CALML4: variants seen among roughly 807,000 people sequenced by gnomAD.
CALML4 encodes the protein calmodulin like 4, also known as calmodulin-like protein 4.
CALML4 carries 16 observed loss-of-function variants against 17.9 expected under a neutral mutation model. The ratio of observed to expected loss-of-function variants is 0.89; its 90% CI spans 0.61 to 1.36. The LOEUF (loss-of-function observed/expected upper bound fraction) is 1.36. Among genes scored for constraint, CALML4 ranks in the 40% most tolerant of loss-of-function variants. The probability of loss-of-function intolerance (pLI) is 0.00; values close to 1 mark genes in which losing one functional copy is unlikely to be tolerated. For missense variants in CALML4, 203 were observed against 194.8 expected (o/e 1.04, Z -0.25); for synonymous variants, 86 against 71.5 (o/e 1.20, Z -1.02).
At chr15:68,203,708 G>A (rs1171960454) in intron 2 of CALML4, among the ~76,000 whole-genome samples, 1 of 152,164 alleles carries the variant, frequency 6.6e-6, no homozygotes, top group Non-Finnish European at 1.5e-5. Flanking sequence ...GCAGCAGCCT[G>A]GTAAGGTGGC....
At chr15:68,199,506 C>A (rs540175064) in intron 3 of CALML4, 35 bp downstream of exon 3, 8 of 1,590,274 alleles carry the variant, frequency 5.0e-6, no homozygotes, top group East Asian at 2.3e-5. Flanking sequence ...CTGCTGGGCC[C>A]CTCCCCTCTC....
At chr15:68,196,811 C>T (rs2141124305) in intron 4 of CALML4, among the ~76,000 whole-genome samples, 1 of 152,328 alleles carries the variant, frequency 6.6e-6, no homozygotes, top group South Asian at 2.1e-4. Context: ...GCAAAGACCC[C>T]TTTCTCGTGG....
rs1236346620 is a variant in CALML4, at chr15:68,191,172, CTGT to C, written c.*2840_*2842del. ...TAGCTGGTGGTCCCAGAGTGTGCTGCTGTTAATTGTTTAACAAAGGGGAAAATG... is the reference window on the plus strand; with the variant it reads ...TAGCTGGTGGTCCCAGAGTGTGCTGCTAATTGTTTAACAAAGGGGAAAATG... On this transcript the variant is annotated 3_prime_UTR_variant, in exon 5 of 5. Coordinates refer to ENST00000467889, the MANE Select transcript of CALML4 (RefSeq NM_033429.3). 3 of 152,706 alleles carry C rather than the reference CTGT, an allele frequency of 2.0e-5. No homozygotes were observed. Among genetic ancestry groups the C allele is most frequent in the East Asian group, 3.9e-4 (2 of 5,192 alleles). 9.5% of individuals were successfully genotyped at this position (152,706 alleles called of 1,614,324 possible). A position where few individuals can be genotyped will look rare whatever the true frequency, so the allele number is the denominator to read the frequency against.
Position 68,200,460 on chromosome 15 carries a change from C to G in CALML4, c.35-779G>C, listed in dbSNP as rs139467903. On this transcript the variant is annotated intron_variant, in intron 2 of 4. Coordinates refer to ENST00000467889, the MANE Select transcript of CALML4 (RefSeq NM_033429.3). The surrounding 1 kb of genome is among the most constrained non-coding windows in gnomAD (Gnocchi z 4.3). Reference sequence around the variant, plus strand: ...GGTGGAAGGCAGCCGGAGCTAGCTCCCCTAAACCCACAGACTCCCGGCCTG... The same window carrying G: ...GGTGGAAGGCAGCCGGAGCTAGCTCGCCTAAACCCACAGACTCCCGGCCTG... 7.2e-5 allele frequency among the ~76,000 whole-genome samples: 11 copies of G among 152,328 alleles called. No homozygotes were observed. The East Asian group carries it at 2.1e-3, about 29-fold the overall frequency.
At chr15:68,194,254 G>A in intron 4 of CALML4, 142 bp from the exon 5 acceptor site, 1 of 627,996 alleles carries the variant, frequency 1.6e-6, no homozygotes. Flanking sequence ...GTAAACCAGT[G>A]AACAGAAAGG....
intron 2 of CALML4, among the ~76,000 whole-genome samples, chr15:68,203,333 A>G (rs2141130587): frequency 6.6e-6 from 1 of 152,350 alleles, no homozygotes; most frequent in South Asian, 2.1e-4. Flanking sequence ...CGCGCCAATG[A>G]GTGCGATTCT....
intron 4 of CALML4, among the ~76,000 whole-genome samples, chr15:68,194,574 G>T (rs2093134954): frequency 6.6e-6 from 1 of 151,928 alleles, no homozygotes; most frequent in South Asian, 2.1e-4. Context: ...AGTAGAGACG[G>T]GGTTTCACCA....
At chr15:68,203,284 T>TA (rs1595813420) in intron 2 of CALML4, among the ~76,000 whole-genome samples, 1 of 152,236 alleles carries the variant, frequency 6.6e-6, no homozygotes, top group African/African-American at 2.4e-5. Context: ...ATTGCCAACC[T>TA]ATAGTTTCGA....
chr15:68,204,312 A>C lies in CALML4; in HGVS notation c.34+809T>G, dbSNP rs1385496130. Among the ~76,000 whole-genome samples the C allele has an allele frequency of 3.3e-5, 5 of 152,154 alleles. No homozygotes were observed. The highest frequency in any genetic ancestry group is 5.9e-5 in the Non-Finnish European group (4 of 68,022). On this transcript the variant is annotated intron_variant, in intron 2 of 4. Coordinates refer to ENST00000467889, the MANE Select transcript of CALML4 (RefSeq NM_033429.3). The surrounding 1 kb of genome is among the most constrained non-coding windows in gnomAD (Gnocchi z 6.0). ...ATCTCCAGTGGTCAGCGAAGGACTC[A>C]CTGAGAAGGCGATGTTTCAGCAAAG...
rs367834252 is a variant in CALML4, at chr15:68,200,556, C to T, written c.35-875G>A. Among the ~76,000 whole-genome samples the T allele has an allele frequency of 2.0e-4, 31 of 152,356 alleles. No individual in the cohort carries two copies. The highest frequency in any genetic ancestry group is 1.5e-3 in the East Asian group (8 of 5,180). On this transcript the variant is annotated intron_variant, in intron 2 of 4. Coordinates refer to ENST00000467889, the MANE Select transcript of CALML4 (RefSeq NM_033429.3). The surrounding 1 kb of genome is among the most constrained non-coding windows in gnomAD (Gnocchi z 4.3). ...CCAGCTGGGAGTTCAGGAAAAGTCC[C>T]TGAACCGCACTGACTGAGCATCTGA...
rs1391021139 is a variant in CALML4, at chr15:68,192,316, A to C, written c.*1699T>G. 3.3e-5 allele frequency: 5 copies of C among 152,150 alleles called. No individual in the cohort carries two copies. The highest frequency in any genetic ancestry group is 6.5e-5 in the Admixed American group (1 of 15,272). The allele number at this position is 152,150 out of a possible 1,614,324, so 9.4% of individuals were successfully genotyped here. ...TTTACCATGAAGGTAATGAAGTTTAAGCACCAGGACCCTTCACTTGTTCTG... is the reference window on the plus strand; with the variant it reads ...TTTACCATGAAGGTAATGAAGTTTACGCACCAGGACCCTTCACTTGTTCTG... On this transcript the variant is annotated 3_prime_UTR_variant, in exon 5 of 5. Transcript: ENST00000467889.
intron 2 of CALML4, chr15:68,199,964 A>C (rs895335793): frequency 2.9e-5 from 7 of 241,204 alleles, no homozygotes; most frequent in Non-Finnish European, 5.5e-5. Context: ...CTGAAATTCT[A>C]ATTTAACTGG....
intron 3 of CALML4, 62 bp downstream of exon 3, chr15:68,199,479 C>A: frequency 6.5e-7 from 1 of 1,545,522 alleles, no homozygotes; most frequent in South Asian, 1.2e-5. Flanking sequence ...TTTCACACCT[C>A]TACTGTCTGC....
chr15:68,194,797 G>A (rs755113299), intron 4 of CALML4, among the ~76,000 whole-genome samples: 15 of 151,986 alleles, frequency 9.9e-5, no homozygotes, highest in Admixed American at 5.2e-4. Flanking sequence ...CAAACAGAGC[G>A]AACATCCTCC....
Position 68,197,322 on chromosome 15 carries a change from G to T in CALML4, c.364+118C>A. 1 of 902,330 alleles carries T rather than the reference G, an allele frequency of 1.1e-6. No homozygotes were observed. Among genetic ancestry groups the T allele is most frequent in the Non-Finnish European group, 1.7e-6 (1 of 586,562 alleles). The allele number at this position is 902,330 out of a possible 1,614,324, so 55.9% of individuals were successfully genotyped here. On this transcript the variant is annotated intron_variant, in intron 4 of 4. Coordinates refer to ENST00000467889, the MANE Select transcript of CALML4 (RefSeq NM_033429.3). This position sits in a 1 kb window ranked among gnomAD's most constrained non-coding sequence, Gnocchi z 4.1. ...GTGTGGCATCTGCTCACAGTCTCCT[G>T]CGCGCGCATCAACAGAGGTGGTCTG...
intron 3 of CALML4, among the ~76,000 whole-genome samples, chr15:68,199,272 C>T (rs925670866): frequency 3.3e-5 from 5 of 152,034 alleles, no homozygotes; most frequent in East Asian, 1.9e-4. Context: ...AACATGGGAT[C>T]GCTGTCAGCG....
intron 4 of CALML4, among the ~76,000 whole-genome samples, chr15:68,196,343 G>T (rs760046766): frequency 7.2e-5 from 11 of 152,204 alleles, no homozygotes; most frequent in Non-Finnish European, 1.0e-4. Flanking sequence ...GACCTGAGGG[G>T]TCACCTACTG....
At position 68,205,010 on chromosome 15, in the gene CALML4, C is replaced by G. The variant is rs1169167993; in HGVS notation, c.34+111G>C. On this transcript the variant is annotated intron_variant, in intron 2 of 4. Coordinates refer to ENST00000467889, the MANE Select transcript of CALML4 (RefSeq NM_033429.3). The surrounding 1 kb of genome is among the most constrained non-coding windows in gnomAD (Gnocchi z 4.8). ...CGCAGCTCTTGGCCCTGGGTGGGCC[C>G]AGCTCTCCCACAGCCACCTTCCTTC... The G allele has an allele frequency of 3.0e-6, 4 of 1,336,138 alleles. No individual in the cohort carries two copies. Among genetic ancestry groups the G allele is most frequent in the Non-Finnish European group, 3.2e-6 (3 of 945,502 alleles). The allele number at this position is 1,336,138 out of a possible 1,614,324, so 82.8% of individuals were successfully genotyped here.
rs1222613538 is a variant in CALML4 at position 68,193,159 on chromosome 15, C to G, written c.*856G>C. The G allele has an allele frequency of 6.6e-6, 1 of 152,332 alleles. No individual in the cohort carries two copies. Among genetic ancestry groups the G allele is most frequent in the Non-Finnish European group, 1.5e-5 (1 of 68,150 alleles). 9.4% of individuals were successfully genotyped at this position (152,332 alleles called of 1,614,324 possible). On this transcript the variant is annotated 3_prime_UTR_variant, in exon 5 of 5. Transcript: ENST00000467889. ...ACCAGTGTGGGCCACTTGAGCAGAC[C>G]ATCCCGGAACCTCTCTGCCTGTTAA...
Sources: allele counts gnomAD v4.1 joint callset (sites outside exome capture counted in the v4.1 genomes callset), GRCh38; gene constraint gnomAD v4.1.1; non-coding constraint Gnocchi (gnomAD v3.1); transcripts MANE v1.5; gene names NCBI Gene and HGNC (gene_info 2026-07-23, HGNC 2026-07-21).